ADCY3: variants seen among roughly 807,000 people sequenced by gnomAD.
ADCY3 encodes adenylate cyclase type 3.
ADCY3 carries 70 observed loss-of-function variants against 119.4 expected under a neutral mutation model. The ratio of observed to expected loss-of-function variants is 0.59; its 90% confidence interval spans 0.48 to 0.72. The LOEUF is 0.72. Ranked by LOEUF, ADCY3 falls within the 30% of genes least tolerant of loss-of-function variation. The pLI is 0.00. For missense variants in ADCY3, 1,238 were observed against 1,541.6 expected, an observed-to-expected ratio of 0.80 and a Z score of 3.30; for synonymous variants, 672 against 621.4, an observed-to-expected ratio of 1.08 and a Z score of -1.21.
At chr2:24,914,753 C>T (rs1664240586) in intron 2 of ADCY3, among the ~76,000 whole-genome samples, 1 of 152,084 alleles carries the variant, frequency 6.6e-6, no homozygotes, top group Non-Finnish European at 1.5e-5. Context: ...TAGGTCTCTG[C>T]CCACCCAAGG....
In ADCY3 at chr2:24,842,309, G is replaced by A. The variant is rs1387404470; in HGVS notation, c.901C>T (p.Gln301Ter). 4 of 1,614,126 alleles carry A rather than the reference G, an allele frequency of 2.5e-6. No homozygotes were observed. The highest frequency in any genetic ancestry group is 1.7e-6 in the Non-Finnish European group (2 of 1,180,040). Residue 301 changes from glutamine (Q) to a stop codon, truncating the protein, a stop_gained, in exon 4 of 22, where the codon CAG (glutamine) becomes TAG (stop). Transcript: ENST00000679454. LOFTEE classifies it high-confidence loss of function. This position sits in a 1 kb window ranked among gnomAD's most constrained non-coding sequence, Gnocchi z 4.9. ...GTGTTGAACTGCTGCTGGTCCTTCT[G>A]GCTCTCGTCTTTCTTCATGTCTTTC... ...MLKDMKKDES[Q>*]KDQQQFNTMY...
chr2:24,834,819 G>A lies in ADCY3; in HGVS notation c.1780C>T (p.Leu594=). The change falls in exon 10 of 22, where the codon CTG becomes TTG. Residue 594 remains leucine (L), a synonymous_variant. Coordinates refer to ENST00000679454, the MANE Select transcript of ADCY3 (RefSeq NM_004036.5). The surrounding 1 kb of genome is among the most constrained non-coding windows in gnomAD (Gnocchi z 4.2). ...ACTTGGGCGGACTCTCGCTCAAGCAGGGCCTCGTTGAGCAGCTGGTTGAGC... is the reference window on the plus strand; with the variant it reads ...ACTTGGGCGGACTCTCGCTCAAGCAAGGCCTCGTTGAGCAGCTGGTTGAGC... ...HELNQLLNEA[L]LERESAQVVK... is the part of the protein sequence containing the mutation. 1 of 1,613,896 alleles carries A rather than the reference G, an allele frequency of 6.2e-7. No homozygotes were observed. The highest frequency in any genetic ancestry group is 8.5e-7 in the Non-Finnish European group (1 of 1,179,978).
chr2:24,838,621 G>A lies in ADCY3; in HGVS notation c.1357C>T (p.Arg453Cys), dbSNP rs746075395. The change falls in exon 8 of 22, where the codon CGC (arginine) becomes TGC (cysteine). Residue 453 changes from arginine (R) to cysteine (C), a missense_variant and splice_region_variant. Arg to Cys is a radical substitution (Grantham distance 180, BLOSUM62 -3). Transcript: ENST00000679454. Reference sequence around the variant, plus strand: ...ATGGTGCTCTGGGAGATGTGCACGCGCCTGGATTGCAGAGAGAGAGGCCCT... The same window carrying A: ...ATGGTGCTCTGGGAGATGTGCACGCACCTGGATTGCAGAGAGAGAGGCCCT... ...NKMEAGGIPG[R>C]VHISQSTMDC... is the part of the protein sequence containing the mutation. The A allele has an allele frequency of 4.3e-6, 7 of 1,613,686 alleles. No individual in the cohort carries two copies. The highest frequency in any genetic ancestry group is 1.7e-5 in the Admixed American group (1 of 60,022).
At chr2:24,875,778 A>G (rs773254576) in intron 2 of ADCY3, among the ~76,000 whole-genome samples, 10 of 152,132 alleles carry the variant, frequency 6.6e-5, no homozygotes, top group Non-Finnish European at 1.3e-4. Context: ...TAACTTTACA[A>G]CCAGTGCTGA....
chr2:24,824,243 C>T (rs1262970827), intron 17 of ADCY3, 135 bp downstream of exon 17: 3 of 1,096,932 alleles, frequency 2.7e-6, no homozygotes, highest in Non-Finnish European at 3.9e-6. Context: ...TTTGTGTTTG[C>T]TGTTTAGGTT....
At chr2:24,820,442 C>T in intron 21 of ADCY3, 1 of 1,317,632 alleles carries the variant, frequency 7.6e-7, no homozygotes, top group Non-Finnish European at 9.7e-7. Context: ...AGCTTTTCTG[C>T]CAGACGCCAC....
intron 3 of ADCY3, among the ~76,000 whole-genome samples, chr2:24,861,769 G>A (rs1184947578): frequency 3.3e-5 from 5 of 152,156 alleles, no homozygotes; most frequent in African/African-American, 1.2e-4. Flanking sequence ...AAGAGAGAAG[G>A]GGAAGGATGC....
intron 6 of ADCY3, among the ~76,000 whole-genome samples, chr2:24,840,290 C>T (rs908493216): frequency 2.0e-5 from 3 of 152,244 alleles, no homozygotes; most frequent in African/African-American, 7.2e-5. Flanking sequence ...CTCAGTTTCT[C>T]TCTGCCAATT....
rs1558455451 is a variant in ADCY3, at chr2:24,853,049, T to G, written c.826-10665A>C. 4.7e-5 allele frequency among the ~76,000 whole-genome samples: 6 copies of G among 128,598 alleles called. 1 individual carries two copies. The highest frequency in any genetic ancestry group is 2.5e-4 in the South Asian group (1 of 4,002). 84.4% of individuals were successfully genotyped at this position (128,598 alleles called of 152,430 possible). ...GTGTGTGTGTGTGTGTGTGTGTGTG[T>G]GTGTGTGTGTGTGTGTGTAGGGGTG... On this transcript the variant is annotated intron_variant, in intron 3 of 21. Coordinates refer to ENST00000679454, the MANE Select transcript of ADCY3 (RefSeq NM_004036.5).
intron 2 of ADCY3, among the ~76,000 whole-genome samples, chr2:24,904,549 A>G (rs892223018): frequency 7.2e-5 from 11 of 152,142 alleles, no homozygotes; most frequent in African/African-American, 2.7e-4. Context: ...AGAAAAAAGT[A>G]CATGATTCTT....
At chr2:24,820,885 C>G in intron 20 of ADCY3, 37 bp from the exon 21 acceptor site, 1 of 1,608,534 alleles carries the variant, frequency 6.2e-7, no homozygotes, top group Non-Finnish European at 8.5e-7. Context: ...CAGCCACAGG[C>G]CACACCTTGT....
intron 17 of ADCY3, among the ~76,000 whole-genome samples, chr2:24,824,145 A>C (rs1383043619): frequency 1.3e-5 from 2 of 152,256 alleles, no homozygotes; most frequent in Non-Finnish European, 1.5e-5. Context: ...TTGTCTTCTG[A>C]CACATGGCCT....
At position 24,819,228 on chromosome 2, in the gene ADCY3, T is replaced by C. The variant is rs1246051763; in HGVS notation, c.*704A>G. On this transcript the variant is annotated 3_prime_UTR_variant, in exon 22 of 22. Transcript: ENST00000679454. ...TTGTTCTTTATCAATACCTGTAAAT[T>C]CTCTTAAAGCAGTAGCAAAGGCGAC... The C allele has an allele frequency of 6.6e-6, 1 of 152,660 alleles. No homozygotes were observed. The highest frequency in any genetic ancestry group is 1.9e-4 in the East Asian group (1 of 5,188). The allele number at this position is 152,660 out of a possible 1,614,324, so 9.5% of individuals were successfully genotyped here. A position where few individuals can be genotyped will look rare whatever the true frequency, so the allele number is the denominator to read the frequency against.
intron 15 of ADCY3, 71 bp from the exon 16 acceptor site, chr2:24,826,197 C>G: frequency 1.5e-6 from 2 of 1,353,452 alleles, no homozygotes; most frequent in Non-Finnish European, 2.1e-6. Flanking sequence ...TTCCCTCCAA[C>G]TAGATGGTGC....
At position 24,850,947 on chromosome 2, in the gene ADCY3, A is replaced by G. The variant is rs79464437; in HGVS notation, c.826-8563T>C. On this transcript the variant is annotated intron_variant, in intron 3 of 21. Coordinates refer to ENST00000679454, the MANE Select transcript of ADCY3 (RefSeq NM_004036.5). ...GAAATAAAGGCAGAAGGCTATATGC[A>G]AAGAGAAAAGGCTCATTTAACTTGG... 2.5e-3 allele frequency among the ~76,000 whole-genome samples: 381 copies of G among 152,384 alleles called. 3 individuals are homozygous for G. Among genetic ancestry groups the G allele is most frequent in the African/African-American group, 8.5e-3 (352 of 41,598 alleles).
intron 8 of ADCY3, among the ~76,000 whole-genome samples, chr2:24,837,708 TA>T (rs1670479430): frequency 6.6e-6 from 1 of 152,094 alleles, no homozygotes; most frequent in African/African-American, 2.4e-5. Flanking sequence ...CAGGGGATGG[TA>T]AAGGGATCCA....
chr2:24,852,170 T>C (rs1386817401), intron 3 of ADCY3, among the ~76,000 whole-genome samples: 2 of 152,062 alleles, frequency 1.3e-5, no homozygotes, highest in African/African-American at 2.4e-5. Context: ...TTCCGGTGGG[T>C]CCTTCCTCAC....
chr2:24,849,914 C>A (rs1672098363), intron 3 of ADCY3, among the ~76,000 whole-genome samples: 1 of 152,178 alleles, frequency 6.6e-6, no homozygotes, highest in Admixed American at 6.5e-5. Context: ...TGGATGTCCT[C>A]TAAGCTGTGC....
chr2:24,820,112 C>T lies in ADCY3; in HGVS notation c.3255G>A (p.Val1085=), dbSNP rs199681196. 1.9e-6 allele frequency: 3 copies of T among 1,541,706 alleles called. No homozygotes were observed. Among genetic ancestry groups the T allele is most frequent in the South Asian group, 1.2e-5 (1 of 80,456 alleles). ...GGAGGATGACTTGGGTTTCTTCTAC[C>T]ACCTGGAGAGGGAGGGGGAGCAAGA... ...ESTGVMGNIQ[V]VEETQVILRE... is the part of the protein sequence containing the mutation. Residue 1085 remains valine, a splice_region_variant and synonymous_variant, in exon 22 of 22, where the codon GTG becomes GTA. Coordinates refer to ENST00000679454, the MANE Select transcript of ADCY3 (RefSeq NM_004036.5).
Sources: gnomAD v4.1 joint callset for allele counts (sites outside exome capture counted in the v4.1 genomes callset) on GRCh38, gnomAD v4.1.1 for gene constraint, Gnocchi (gnomAD v3.1) non-coding constraint, MANE v1.5 for transcripts, NCBI Gene and HGNC (gene_info 2026-07-23, HGNC 2026-07-21) for gene names.